HIKESHI: variants seen among roughly 807,000 people sequenced by gnomAD.
The protein encoded by HIKESHI is heat shock protein nuclear import factor hikeshi, also known as protein Hikeshi.
In HIKESHI, 13 loss-of-function variants were observed where a neutral mutation model predicts 25.7. That is an observed-to-expected ratio of 0.51 (90% CI 0.33 to 0.80). HIKESHI has a LOEUF of 0.80. Ranked by LOEUF, HIKESHI falls within the 30% of genes least tolerant of loss-of-function variation. HIKESHI has a pLI of 0.02. For missense variants in HIKESHI, 174 were observed against 229.5 expected (o/e 0.76, Z 1.56); for synonymous variants, 76 against 78.7 (o/e 0.97, Z 0.18).
At chr11:86,309,661 A>G (rs970722543) in intron 2 of HIKESHI, among the ~76,000 whole-genome samples, 5 of 152,132 alleles carry the variant, frequency 3.3e-5, no homozygotes, top group East Asian at 3.8e-4. Flanking sequence ...TATGTCCTGA[A>G]TGGTATTGCA....
At chr11:86,312,919 AG>A (rs1490897527) in intron 2 of HIKESHI, among the ~76,000 whole-genome samples, 2 of 152,166 alleles carry the variant, frequency 1.3e-5, no homozygotes, top group Non-Finnish European at 2.9e-5. Context: ...GTTTCTGTGG[AG>A]AGGTCCACTG....
At chr11:86,303,356 G>A in intron 1 of HIKESHI, 1 of 963,786 alleles carries the variant, frequency 1.0e-6, no homozygotes, top group Non-Finnish European at 1.2e-6. Flanking sequence ...TACATATACA[G>A]TTCTAAGAAG....
At chr11:86,327,224 G>A (rs1947305062) in intron 2 of HIKESHI, among the ~76,000 whole-genome samples, 1 of 152,124 alleles carries the variant, frequency 6.6e-6, no homozygotes, top group African/African-American at 2.4e-5. Flanking sequence ...TCTGCTATGT[G>A]TAATGCAGTG....
At chr11:86,344,785 G>C in intron 4 of HIKESHI, 64 bp downstream of exon 4, 1 of 1,085,504 alleles carries the variant, frequency 9.2e-7, no homozygotes, top group Non-Finnish European at 1.4e-6. Context: ...TTTTGTCTAT[G>C]AATATATTCC....
Position 86,344,658 on chromosome 11 carries a change from C to T in HIKESHI, c.476C>T (p.Ser159Phe), listed in dbSNP as rs1313624783. The change falls in exon 4 of 5, where the codon TCT (serine) becomes TTT (phenylalanine). Residue 159 changes from serine to phenylalanine, a missense_variant. By Grantham distance (155) the Ser-to-Phe change is radical (BLOSUM62 -2). Coordinates refer to ENST00000278483, the MANE Select transcript of HIKESHI (RefSeq NM_016401.4). ...AATTTTGCTTCATCATTTGCTGTCT[C>T]TCAGGCCCAGATGACACCAAGCCCA... ...FYNFASSFAVSQAQMTPSPSE... is the reference protein window; with the variant it reads ...FYNFASSFAVFQAQMTPSPSE... 1 of 1,612,564 alleles carries T rather than the reference C, an allele frequency of 6.2e-7. No homozygotes were observed. The highest frequency in any genetic ancestry group is 8.5e-7 in the Non-Finnish European group (1 of 1,178,910).
chr11:86,312,491 A>C (rs994000052), intron 2 of HIKESHI, among the ~76,000 whole-genome samples: 11 of 152,148 alleles, frequency 7.2e-5, no homozygotes, highest in African/African-American at 9.6e-5. Flanking sequence ...CAGCACACCG[A>C]TGGGTCTTGA....
At chr11:86,306,895 G>A (rs1946640131) in intron 2 of HIKESHI, among the ~76,000 whole-genome samples, 1 of 151,350 alleles carries the variant, frequency 6.6e-6, no homozygotes, top group East Asian at 1.9e-4. Context: ...AACTACTCGG[G>A]AGGCTGAGGC....
intron 2 of HIKESHI, among the ~76,000 whole-genome samples, chr11:86,322,314 G>C (rs1947170252): frequency 1.3e-5 from 2 of 151,860 alleles, no homozygotes; most frequent in South Asian, 4.2e-4. Context: ...GTTCTTATTT[G>C]CTATTTATAT....
At chr11:86,320,151 TG>T (rs1405104483) in intron 2 of HIKESHI, among the ~76,000 whole-genome samples, 3 of 152,248 alleles carry the variant, frequency 2.0e-5, no homozygotes, top group Non-Finnish European at 4.4e-5. Flanking sequence ...CATGGATATA[TG>T]TGTTTAGATA....
intron 3 of HIKESHI, among the ~76,000 whole-genome samples, chr11:86,340,098 G>C (rs922788924): frequency 7.2e-5 from 11 of 152,252 alleles, no homozygotes; most frequent in African/African-American, 2.2e-4. Flanking sequence ...TTTTATAGCT[G>C]CATAGTATTC....
chr11:86,337,588 A>G, intron 3 of HIKESHI, 58 bp downstream of exon 3: 4 of 1,501,236 alleles, frequency 2.7e-6, no homozygotes, highest in Non-Finnish European at 3.6e-6. Flanking sequence ...TTAAGGTATA[A>G]TATACAAGTT....
intron 1 of HIKESHI, among the ~76,000 whole-genome samples, chr11:86,304,230 A>G (rs938593534): frequency 3.9e-5 from 6 of 152,158 alleles, no homozygotes; most frequent in African/African-American, 1.4e-4. Context: ...ACATAGCAGT[A>G]TATTTTTCCT....
chr11:86,328,957 A>T (rs536455405), intron 2 of HIKESHI, among the ~76,000 whole-genome samples: 42 of 151,624 alleles, frequency 2.8e-4, no homozygotes, highest in African/African-American at 9.9e-4. Flanking sequence ...CGCTCCTCAC[A>T]TGCTTGTAAC....
chr11:86,311,877 C>T (rs532657575), intron 2 of HIKESHI, among the ~76,000 whole-genome samples: 5 of 152,160 alleles, frequency 3.3e-5, no homozygotes, highest in East Asian at 1.9e-4. Context: ...GTTTTGAGTG[C>T]GTTTCTTAAT....
chr11:86,334,180 T>A lies in HIKESHI; in HGVS notation c.269-3199T>A, dbSNP rs74899471. On this transcript the variant is annotated intron_variant, in intron 2 of 4. Transcript: ENST00000278483. The stretch of plus-strand genomic sequence containing the variant: ...GCTGTACTTAAATACTTAGAAAAAA[T>A]CTAATAAAGTTGTTTTCCACTATTT... Among the ~76,000 whole-genome samples, 819 of 152,094 alleles carry A rather than the reference T, an allele frequency of 5.4e-3. 34 individuals are homozygous for A. In the East Asian group the frequency reaches 0.11, roughly 21 times the overall value.
chr11:86,334,328 C>G (rs1947491700), intron 2 of HIKESHI, among the ~76,000 whole-genome samples: 1 of 149,746 alleles, frequency 6.7e-6, no homozygotes, highest in Non-Finnish European at 1.5e-5. Context: ...TCCTTGTATA[C>G]TGAGAATAAA....
At chr11:86,303,368 C>A in intron 1 of HIKESHI, 1 of 978,276 alleles carries the variant, frequency 1.0e-6, no homozygotes, top group Non-Finnish European at 1.2e-6. Context: ...TCTAAGAAGC[C>A]AGAAAGATAA....
Position 86,302,490 on chromosome 11 carries a change from A to AC in HIKESHI, c.30+14dup. On this transcript the variant is annotated intron_variant, in intron 1 of 4. Coordinates refer to ENST00000278483, the MANE Select transcript of HIKESHI (RefSeq NM_016401.4). ...TGGCGGGGAGGCTGGTGAGGATGGG[A>AC]CCGGGTGATATCAGGAAGGGGTCAG... 1.5e-5 allele frequency: 24 copies of AC among 1,556,754 alleles called. No homozygotes were observed. The highest frequency in any genetic ancestry group is 2.1e-5 in the Non-Finnish European group (24 of 1,150,066).
Position 86,337,460 on chromosome 11 carries a change from T to C in HIKESHI, c.350T>C (p.Leu117Ser). The part of the protein sequence containing the change: ...SVAQIGISVE[L>S]LDSMAQQTPV... ...GCTCAGATTGGAATTTCAGTGGAATTATTAGACAGTATGGCTCAGCAGACT... is the reference window on the plus strand; with the variant it reads ...GCTCAGATTGGAATTTCAGTGGAATCATTAGACAGTATGGCTCAGCAGACT... The change falls in exon 3 of 5, where the codon TTA (leucine) becomes TCA (serine). Residue 117 changes from leucine (L) to serine (S), a missense_variant. Leu to Ser is a moderately radical substitution (Grantham distance 145). Transcript: ENST00000278483. The C allele has an allele frequency of 6.2e-7, 1 of 1,614,100 alleles. No individual in the cohort carries two copies. The highest frequency in any genetic ancestry group is 8.5e-7 in the Non-Finnish European group (1 of 1,179,984).
Sources: allele counts gnomAD v4.1 joint callset (sites outside exome capture counted in the v4.1 genomes callset), GRCh38; gene constraint gnomAD v4.1.1; transcripts MANE v1.5; gene names NCBI Gene and HGNC (gene_info 2026-07-23, HGNC 2026-07-21).